BMS1: variants seen among roughly 807,000 people sequenced by gnomAD.
The protein encoded by BMS1 is BMS1 ribosome biogenesis factor.
In BMS1, 53 loss-of-function variants were observed where a neutral mutation model predicts 138.7. The observed-to-expected ratio is 0.38, with a 90% CI of 0.31 to 0.48. BMS1 has a LOEUF of 0.48. Among genes scored for constraint, BMS1 ranks in the 20% least tolerant of loss-of-function variants. BMS1 has a pLI of 0.97. For synonymous variants in BMS1, 504 were observed against 539.9 expected (o/e 0.93, Z 0.92); for missense variants, 1,360 against 1,565.5 (o/e 0.87, Z 2.22).
Position 42,834,903 on chromosome 10 carries a change from A to T in BMS1, c.*3807A>T, listed in dbSNP as rs1842847490. The T allele has an allele frequency of 6.6e-6, 1 of 152,144 alleles. No individual in the cohort carries two copies. Among genetic ancestry groups the T allele is most frequent in the Admixed American group, 6.5e-5 (1 of 15,274 alleles). 9.4% of individuals were successfully genotyped at this position (152,144 alleles called of 1,614,324 possible). A position where few individuals can be genotyped will look rare whatever the true frequency, so the allele number is the denominator to read the frequency against. Reference sequence around the variant, plus strand: ...TTTCCAATTTTTGTTTTGTGATAAAATATGCATAATAAAACTTATTTTATC... The same window carrying T: ...TTTCCAATTTTTGTTTTGTGATAAATTATGCATAATAAAACTTATTTTATC... On this transcript the variant is annotated 3_prime_UTR_variant, in exon 23 of 23. Coordinates refer to ENST00000374518, the MANE Select transcript of BMS1 (RefSeq NM_014753.4).
chr10:42,811,857 G>A (rs368616919), intron 13 of BMS1, among the ~76,000 whole-genome samples: 18 of 151,960 alleles, frequency 1.2e-4, no homozygotes, highest in African/African-American at 3.9e-4. Context: ...ATTTCCTTTG[G>A]GACTTCTTTT....
At position 42,831,082 on chromosome 10, in the gene BMS1, G is replaced by A; in HGVS notation, c.3835G>A (p.Gly1279Ser). 1 of 1,565,412 alleles carries A rather than the reference G, an allele frequency of 6.4e-7. No homozygotes were observed. Among genetic ancestry groups the A allele is most frequent in the Non-Finnish European group, 8.7e-7 (1 of 1,153,986 alleles). Residue 1279 changes from glycine to serine, a missense_variant, in exon 23 of 23, where the codon GGC (glycine) becomes AGC (serine). Around this residue, in one of 3 missense-constraint regions of BMS1, gnomAD observed 425 missense variants for 568.3 expected, o/e 0.75. Transcript: ENST00000374518. ...GAAGTCCAGTTTGAAGGGGGCTGAG[G>A]GCCAATTGCAGTGAGCCTTTGGACT... ...NQKSSLKGAE[G>S]QLQ
intron 19 of BMS1, 73 bp from the exon 20 acceptor site, chr10:42,823,045 T>A (rs1465073556): frequency 1.5e-6 from 2 of 1,325,850 alleles, no homozygotes; most frequent in African/African-American, 1.5e-5. Context: ...CAAGGATGTA[T>A]GTTTGAAGTA....
chr10:42,811,808 G>T (rs940121912), intron 13 of BMS1, among the ~76,000 whole-genome samples: 1 of 152,074 alleles, frequency 6.6e-6, no homozygotes, highest in African/African-American at 2.4e-5. Flanking sequence ...ACAGGCGTGA[G>T]CCACCGCGCC....
In BMS1 at chr10:42,792,955, A is replaced by T. The variant is rs765170952; in HGVS notation, c.902-2A>T. 1.2e-6 allele frequency: 2 copies of T among 1,608,242 alleles called. No individual in the cohort carries two copies. Among genetic ancestry groups the T allele is most frequent in the Non-Finnish European group, 1.7e-6 (2 of 1,177,748 alleles). On this transcript the variant is annotated splice_acceptor_variant, in intron 7 of 22. Transcript: ENST00000374518. LOFTEE classifies it high-confidence loss of function. ...AGCTGGCTTTTGGGTTCTGTCTTCC[A>T]GGGGTAGGAGATTTTGCCGTGAGTG...
chr10:42,797,213 G>T lies in BMS1; in HGVS notation c.1969G>T (p.Asp657Tyr). Residue 657 changes from aspartate (D) to tyrosine (Y), a missense_variant, in exon 10 of 23, where the codon GAT becomes TAT. Asp to Tyr is a radical substitution (Grantham distance 160). Transcript: ENST00000374518. Reference sequence around the variant, plus strand: ...AGAAGATTACAAGGAAGAAAATAATGATTCCAAAGAAACGTCAGGTAAGCT... The same window carrying T: ...AGAAGATTACAAGGAAGAAAATAATTATTCCAAAGAAACGTCAGGTAAGCT... ...EEEDYKEENN[D>Y]SKETSGALKW... 6.2e-7 allele frequency: 1 copy of T among 1,603,210 alleles called. No individual in the cohort carries two copies. The highest frequency in any genetic ancestry group is 1.1e-5 in the South Asian group (1 of 88,848).
At chr10:42,830,070 T>C (rs941579495) in intron 21 of BMS1, among the ~76,000 whole-genome samples, 191 bp from the exon 22 acceptor site, 94 of 152,166 alleles carry the variant, frequency 6.2e-4, no homozygotes, top group Non-Finnish European at 6.2e-4. Flanking sequence ...CTCTGTTTAC[T>C]GAGAATTGTG....
intron 13 of BMS1, among the ~76,000 whole-genome samples, chr10:42,809,398 T>C (rs1842102612): frequency 6.7e-6 from 1 of 149,988 alleles, no homozygotes; most frequent in Admixed American, 6.7e-5. Context: ...CTTTTCAACC[T>C]GTATGGCTTT....
At position 42,793,878 on chromosome 10, in the gene BMS1, G is replaced by A; in HGVS notation, c.1116G>A (p.Leu372=). Residue 372 remains leucine, a synonymous_variant, in exon 9 of 23, where the codon CTG becomes CTA. Transcript: ENST00000374518. The part of the protein sequence containing the change: ...FQDEVGPTHE[L]VQSLISTHST... ...ATGAAGTGGGGCCCACCCATGAGCT[G>A]GTCCAGAGTCTCATCTCTACCCACT... 6.2e-7 allele frequency: 1 copy of A among 1,611,748 alleles called. No individual in the cohort carries two copies. Among genetic ancestry groups the A allele is most frequent in the Non-Finnish European group, 8.5e-7 (1 of 1,179,800 alleles).
At chr10:42,783,458 T>G (rs1841224403) in intron 1 of BMS1, among the ~76,000 whole-genome samples, 1 of 152,206 alleles carries the variant, frequency 6.6e-6, no homozygotes, top group African/African-American at 2.4e-5. Context: ...AATAGCTGTA[T>G]CCACTTACTG....
chr10:42,829,936 T>A (rs189247017), intron 21 of BMS1, among the ~76,000 whole-genome samples: 1 of 152,352 alleles, frequency 6.6e-6, no homozygotes, highest in East Asian at 1.9e-4. Flanking sequence ...AGACAAGGCC[T>A]GAAATTTCCA....
At chr10:42,793,793 C>CGT in intron 8 of BMS1, 59 bp from the exon 9 acceptor site, 2 of 1,543,486 alleles carry the variant, frequency 1.3e-6, no homozygotes, top group Non-Finnish European at 1.7e-6. Context: ...GAGTGAAGCT[C>CGT]GTGTCTCTCC....
chr10:42,829,562 C>G (rs184562914), intron 21 of BMS1, among the ~76,000 whole-genome samples: 6 of 152,210 alleles, frequency 3.9e-5, no homozygotes, highest in Admixed American at 2.6e-4. Context: ...GCCTGTAATC[C>G]TAGCACTTTG....
rs183267569 is a variant in BMS1 at position 42,802,527 on chromosome 10, A to G, written c.2329+309A>G. Among the ~76,000 whole-genome samples the G allele has an allele frequency of 4.7e-3, 716 of 152,168 alleles. 4 individuals are homozygous for G. Among genetic ancestry groups the G allele is most frequent in the Non-Finnish European group, 7.9e-3 (537 of 67,984 alleles). Reference sequence around the variant, plus strand: ...TACAAATAACATTTATATTTTTTTCATAATAAAGGTAGTATGCATTGTGGA... The same window carrying G: ...TACAAATAACATTTATATTTTTTTCGTAATAAAGGTAGTATGCATTGTGGA... On this transcript the variant is annotated intron_variant, in intron 13 of 22. Coordinates refer to ENST00000374518, the MANE Select transcript of BMS1 (RefSeq NM_014753.4).
chr10:42,784,606 ATT>A, intron 2 of BMS1, 36 bp downstream of exon 2: 1 of 1,415,908 alleles, frequency 7.1e-7, no homozygotes, highest in Non-Finnish European at 9.2e-7. Context: ...TCTTCCATTG[ATT>A]CTTTTTTTAA....
intron 8 of BMS1, 113 bp downstream of exon 8, chr10:42,793,257 G>A (rs763187715): frequency 5.3e-6 from 6 of 1,140,172 alleles, no homozygotes; most frequent in Non-Finnish European, 7.2e-6. Flanking sequence ...TTTTTCTCTT[G>A]TACTTATAAT....
At chr10:42,798,769 C>T (rs551700951) in intron 12 of BMS1, 144 bp downstream of exon 12, 23 of 1,144,492 alleles carry the variant, frequency 2.0e-5, no homozygotes, top group Admixed American at 1.0e-4. Flanking sequence ...TTGTAGTGGG[C>T]GCTTCATGCA....
At chr10:42,799,919 A>G (rs1484655003) in intron 12 of BMS1, among the ~76,000 whole-genome samples, 1 of 151,982 alleles carries the variant, frequency 6.6e-6, no homozygotes, top group Non-Finnish European at 1.5e-5. Context: ...CTTTGGTTAC[A>G]TTTTATTTAA....
chr10:42,823,266 G>A lies in BMS1; in HGVS notation c.3280+1G>A. On this transcript the variant is annotated splice_donor_variant, in intron 20 of 22. Coordinates refer to ENST00000374518, the MANE Select transcript of BMS1 (RefSeq NM_014753.4). LOFTEE classifies it high-confidence loss of function. Reference sequence around the variant, plus strand: ...TTTGAGGATAAGCTGCTGATGAGCGGTGAGTGTCTTGAGTAGTGTTCAGGG... The same window carrying A: ...TTTGAGGATAAGCTGCTGATGAGCGATGAGTGTCTTGAGTAGTGTTCAGGG... 6.4e-7 allele frequency: 1 copy of A among 1,572,502 alleles called. No homozygotes were observed. Among genetic ancestry groups the A allele is most frequent in the Non-Finnish European group, 8.6e-7 (1 of 1,164,154 alleles).
Sources: allele counts gnomAD v4.1 joint callset (sites outside exome capture counted in the v4.1 genomes callset), GRCh38; gene constraint gnomAD v4.1.1; regional missense constraint gnomAD v4.1.1; transcripts MANE v1.5; gene names NCBI Gene and HGNC (gene_info 2026-07-23, HGNC 2026-07-21).